Variants in TRAPPC9 observed in about 807,000 individuals in gnomAD.
The protein encoded by TRAPPC9 is IKK2 binding protein.
In TRAPPC9, 83 loss-of-function variants were observed where a neutral mutation model predicts 124.0. That is an observed-to-expected ratio of 0.67 (90% CI 0.56 to 0.80). TRAPPC9 has a LOEUF of 0.80. Among genes scored for constraint, TRAPPC9 ranks in the 30% least tolerant of loss-of-function variants. The pLI is 0.00. For missense variants in TRAPPC9, 1,302 were observed against 1,508.3 expected (o/e 0.86, Z 2.27); for synonymous variants, 638 against 617.5 (o/e 1.03, Z -0.49).
chr8:140,039,546 C>T (rs1471225134), intron 17 of TRAPPC9, among the ~76,000 whole-genome samples: 1 of 152,202 alleles, frequency 6.6e-6, no homozygotes, highest in East Asian at 1.9e-4. Context: ...AGTTTAAATG[C>T]CAGCTGTATT....
At chr8:140,190,099 C>G (rs2062452582) in intron 17 of TRAPPC9, among the ~76,000 whole-genome samples, 1 of 152,190 alleles carries the variant, frequency 6.6e-6, no homozygotes, top group Non-Finnish European at 1.5e-5. Context: ...ACCAGGAGCT[C>G]TGGTCGGAAA....
At chr8:139,973,109 A>G (rs1042222358) in intron 19 of TRAPPC9, among the ~76,000 whole-genome samples, 1 of 152,254 alleles carries the variant, frequency 6.6e-6, no homozygotes, top group Non-Finnish European at 1.5e-5. Flanking sequence ...TGTTTCTACC[A>G]TAAGAAAAAG....
chr8:140,299,303 A>G (rs1231800414), intron 11 of TRAPPC9, among the ~76,000 whole-genome samples: 2 of 148,178 alleles, frequency 1.3e-5, no homozygotes, highest in African/African-American at 4.9e-5. Flanking sequence ...GGGTGTGGGC[A>G]GGGGGGGGTC....
chr8:140,051,366 A>G (rs1438378902), intron 17 of TRAPPC9, among the ~76,000 whole-genome samples: 1 of 152,152 alleles, frequency 6.6e-6, no homozygotes, highest in Non-Finnish European at 1.5e-5. Context: ...TTGGTCGGTC[A>G]TTTTTCACAT....
intron 19 of TRAPPC9, among the ~76,000 whole-genome samples, chr8:139,947,445 A>C (rs1465467873): frequency 6.6e-6 from 1 of 152,246 alleles, no homozygotes; most frequent in East Asian, 1.9e-4. Flanking sequence ...ATGAAGAAAA[A>C]TAGACCTTTG....
At chr8:140,027,298 AC>A (rs1175154905) in intron 17 of TRAPPC9, among the ~76,000 whole-genome samples, 1 of 152,252 alleles carries the variant, frequency 6.6e-6, no homozygotes, top group African/African-American at 2.4e-5. Context: ...TAACATATAC[AC>A]AGCATCTTTC....
chr8:140,458,031 G>A (rs2071758774), upstream of TRAPPC9, among the ~76,000 whole-genome samples: 3 of 121,184 alleles, frequency 2.5e-5, no homozygotes, highest in Non-Finnish European at 5.3e-5. Flanking sequence ...GGAGGAGGAG[G>A]GGTGAAAGAA....
intron 8 of TRAPPC9, among the ~76,000 whole-genome samples, chr8:140,360,616 A>G (rs1438052696): frequency 2.0e-5 from 3 of 148,118 alleles, no homozygotes; most frequent in South Asian, 4.3e-4. Flanking sequence ...AGAAAAATGA[A>G]GAAAAGTAGA....
intron 4 of TRAPPC9, among the ~76,000 whole-genome samples, chr8:140,434,185 G>A (rs531444915): frequency 1.3e-5 from 2 of 152,094 alleles, no homozygotes; most frequent in African/African-American, 2.4e-5. Flanking sequence ...CCCGCTGCTC[G>A]GCCCACTCCC....
chr8:140,372,977 G>A (rs939632031), intron 7 of TRAPPC9, among the ~76,000 whole-genome samples: 5 of 152,276 alleles, frequency 3.3e-5, no homozygotes, highest in African/African-American at 1.2e-4. Context: ...TCACGGGCAT[G>A]CCAGGCCCTC....
At chr8:139,750,206 G>T (rs929063422) in intron 21 of TRAPPC9, among the ~76,000 whole-genome samples, 1 of 151,998 alleles carries the variant, frequency 6.6e-6, no homozygotes, top group Non-Finnish European at 1.5e-5. Flanking sequence ...TCTCTGATGG[G>T]GCTTGAGCAC....
intron 18 of TRAPPC9, among the ~76,000 whole-genome samples, chr8:139,991,287 A>G (rs1587432117): frequency 2.0e-5 from 3 of 152,252 alleles, no homozygotes; most frequent in Non-Finnish European, 4.4e-5. Context: ...CACAGGAATG[A>G]GCAGCATCAA....
Position 139,997,598 on chromosome 8 carries a change from T to C in TRAPPC9, c.2700-8762A>G, listed in dbSNP as rs1016162829. On this transcript the variant is annotated intron_variant, in intron 18 of 22. Transcript: ENST00000438773. The stretch of plus-strand genomic sequence containing the variant: ...AATGCATCCTACCCAGGGGAGACAA[T>C]GCATCCTACACAGGGAGACAATGCA... Among the ~76,000 whole-genome samples the C allele has an allele frequency of 3.8e-5, 5 of 132,704 alleles. 1 individual carries two copies. The highest frequency in any genetic ancestry group is 1.5e-4 in the African/African-American group (5 of 33,954). The allele number at this position is 132,704 out of a possible 152,430, so 87.1% of individuals were successfully genotyped here.
intron 14 of TRAPPC9, among the ~76,000 whole-genome samples, chr8:140,281,536 T>C (rs1346443584): frequency 6.6e-6 from 1 of 152,240 alleles, no homozygotes; most frequent in Non-Finnish European, 1.5e-5. Flanking sequence ...ATGCAAATAT[T>C]TTCTTCCAGT....
intron 17 of TRAPPC9, among the ~76,000 whole-genome samples, chr8:140,065,438 A>T (rs1842856114): frequency 6.6e-6 from 1 of 152,258 alleles, no homozygotes; most frequent in South Asian, 2.1e-4. Flanking sequence ...CTACTAGAAG[A>T]AGATGCCATC....
intron 19 of TRAPPC9, among the ~76,000 whole-genome samples, chr8:139,965,729 T>C (rs902592923): frequency 6.6e-5 from 10 of 152,178 alleles, no homozygotes; most frequent in African/African-American, 2.4e-4. Flanking sequence ...ATACAAACAA[T>C]GCAATTACTT....
chr8:140,022,144 A>G (rs1022683452), intron 18 of TRAPPC9, among the ~76,000 whole-genome samples: 4 of 152,222 alleles, frequency 2.6e-5, no homozygotes, highest in African/African-American at 9.6e-5. Flanking sequence ...GTGTAATTAA[A>G]GGATGACAAC....
chr8:139,918,004 TG>T (rs990548110), intron 19 of TRAPPC9, among the ~76,000 whole-genome samples: 2 of 152,214 alleles, frequency 1.3e-5, no homozygotes, highest in Admixed American at 6.5e-5. Context: ...AGGCAGTCTG[TG>T]GTCCTGTTCT....
At chr8:140,000,415 C>A (rs1838311743) in intron 18 of TRAPPC9, among the ~76,000 whole-genome samples, 1 of 152,130 alleles carries the variant, frequency 6.6e-6, no homozygotes, top group Non-Finnish European at 1.5e-5. Flanking sequence ...TTCTGCACAG[C>A]AAAAGAAACT....
Sources: gnomAD v4.1 joint callset for allele counts (sites outside exome capture counted in the v4.1 genomes callset) on GRCh38, gnomAD v4.1.1 for gene constraint, MANE v1.5 for transcripts, NCBI Gene and HGNC (gene_info 2026-07-23, HGNC 2026-07-21) for gene names.